SERPINE2: variants seen among roughly 807,000 people sequenced by gnomAD.
SERPINE2 encodes serpin family E member 2.
In SERPINE2, 14 loss-of-function variants were observed where a neutral mutation model predicts 36.3. The observed-to-expected ratio is 0.39, with a 90% CI of 0.25 to 0.60. The LOEUF (loss-of-function observed/expected upper bound fraction) is 0.60, where lower values mean the gene tolerates loss of function less well. SERPINE2 is among the 20% of genes least tolerant of loss of function. The probability of loss-of-function intolerance (pLI) is 0.57; values close to 1 mark genes in which losing one functional copy is unlikely to be tolerated. For missense variants in SERPINE2, 418 were observed against 499.6 expected, an observed-to-expected ratio of 0.84 and a Z score of 1.56; for synonymous variants, 192 against 191.8, an observed-to-expected ratio of 1.00 and a Z score of -0.01.
chr2:224,015,938 G>A (rs1303734374), intron 1 of SERPINE2, among the ~76,000 whole-genome samples: 1 of 151,800 alleles, frequency 6.6e-6, no homozygotes, highest in Non-Finnish European at 1.5e-5. Flanking sequence ...AACCCCAACT[G>A]TAAAAAAAAA....
intron 2 of SERPINE2, 29 bp from the exon 3 acceptor site, chr2:223,998,371 T>C (rs1475881576): frequency 1.9e-6 from 3 of 1,541,274 alleles, no homozygotes; most frequent in Non-Finnish European, 1.8e-6. Flanking sequence ...GATACAGCAA[T>C]ACTTCCATAA....
chr2:224,028,998 C>T (rs1692275696), intron 1 of SERPINE2, among the ~76,000 whole-genome samples: 1 of 152,210 alleles, frequency 6.6e-6, no homozygotes, highest in Non-Finnish European at 1.5e-5. Context: ...AAAACTATGT[C>T]TTCATACTTT....
At chr2:224,033,333 T>A (rs1692437532) in intron 1 of SERPINE2, among the ~76,000 whole-genome samples, 1 of 152,182 alleles carries the variant, frequency 6.6e-6, no homozygotes, top group Non-Finnish European at 1.5e-5. Context: ...TTTCTGAATA[T>A]AATGCTGAAT....
intron 1 of SERPINE2, among the ~76,000 whole-genome samples, chr2:224,015,103 CTGCTG>C (rs1247695759): frequency 6.6e-6 from 1 of 152,072 alleles, no homozygotes; most frequent in African/African-American, 2.4e-5. Flanking sequence ...GCCAGGGGTG[CTGCTG>C]AGCAGCACCC....
In SERPINE2 at chr2:224,005,065, T is replaced by TATATATATATATA. The variant is rs1553547020; in HGVS notation, c.-22-3144_-22-3143insTATATATATATAT. On this transcript the variant is annotated intron_variant, in intron 1 of 8. Transcript: ENST00000409304. ...ATATATTTTATATATTTTATATATA[T>TATATATATATATA]TATATATATATATATATATATATAT... 1.3e-3 allele frequency among the ~76,000 whole-genome samples: 43 copies of TATATATATATATA among 33,510 alleles called. 1 individual carries two copies. The highest frequency in any genetic ancestry group is 2.1e-3 in the Non-Finnish European group (33 of 15,530). 22.0% of individuals were successfully genotyped at this position (33,510 alleles called of 152,430 possible).
In SERPINE2 at chr2:223,975,791, T is replaced by C. The variant is rs753257229; in HGVS notation, c.*76A>G. 1 of 1,214,482 alleles carries C rather than the reference T, an allele frequency of 8.2e-7. No homozygotes were observed. The highest frequency in any genetic ancestry group is 1.2e-6 in the Non-Finnish European group (1 of 853,438). 75.2% of individuals were successfully genotyped at this position (1,214,482 alleles called of 1,614,324 possible). On this transcript the variant is annotated 3_prime_UTR_variant, in exon 9 of 9. Coordinates refer to ENST00000409304, the MANE Select transcript of SERPINE2 (RefSeq NM_001136528.2). ...GATGTACAAAAATATTTAACAGAAC[T>C]ATGAAAGATGCAGGAAAGGAGTCTT...
chr2:224,003,642 CAAGT>C (rs1255478734), intron 1 of SERPINE2, among the ~76,000 whole-genome samples: 4 of 152,190 alleles, frequency 2.6e-5, no homozygotes, highest in Middle Eastern at 3.4e-3. Flanking sequence ...CTGGCTATGA[CAAGT>C]AAGAGGTAGG....
chr2:224,001,429 TACA>T, intron 2 of SERPINE2: 1 of 522,280 alleles, frequency 1.9e-6, no homozygotes. Context: ...GCTCCAAAAG[TACA>T]AAAAAGGGAC....
intron 2 of SERPINE2, among the ~76,000 whole-genome samples, chr2:223,999,280 G>C (rs769846274): frequency 3.3e-5 from 5 of 152,148 alleles, no homozygotes; most frequent in Non-Finnish European, 7.4e-5. Flanking sequence ...CATTTAGTTT[G>C]AGAGGGTGAA....
Position 223,998,325 on chromosome 2 carries a change from TTAATA to T in SERPINE2, c.272_276del (p.Ile91LysfsTer13). On this transcript the variant is annotated frameshift_variant, in exon 3 of 9. Coordinates refer to ENST00000409304, the MANE Select transcript of SERPINE2 (RefSeq NM_001136528.2). LOFTEE classifies it high-confidence loss of function. The stretch of plus-strand genomic sequence containing the variant: ...GAGACGATGGCCTTGTTGATCTTCT[TTAATA>T]TTTTACCAACTCCTAAAAGAGAAAT... The T allele has an allele frequency of 6.2e-7, 1 of 1,612,658 alleles. No individual in the cohort carries two copies. Among genetic ancestry groups the T allele is most frequent in the Non-Finnish European group, 8.5e-7 (1 of 1,178,656 alleles).
chr2:223,978,734 GGCAAGCCCTTT>G (rs1690110557), intron 7 of SERPINE2: 1 of 152,110 alleles, frequency 6.6e-6, no homozygotes, highest in African/African-American at 2.4e-5. Context: ...GTTATGCTGG[GGCAAGCCCTTT>G]TACCCAGGGT....
intron 8 of SERPINE2, among the ~76,000 whole-genome samples, chr2:223,976,215 A>G (rs1661921239): frequency 6.6e-6 from 1 of 152,206 alleles, no homozygotes; most frequent in Non-Finnish European, 1.5e-5. Flanking sequence ...CAATGGCGCC[A>G]TCTCGGCTCA....
In SERPINE2 at chr2:224,001,769, C is replaced by T. The variant is rs1356219674; in HGVS notation, c.132G>A (p.Lys44=). Residue 44 remains lysine (K), a synonymous_variant, in exon 2 of 9, where the codon AAG becomes AAA. Transcript: ENST00000409304. ...TGIQVFNQIV[K]SRPHDNIVIS... is the part of the protein sequence containing the mutation. Reference sequence around the variant, plus strand: ...TCACGATGTTGTCATGAGGCCTCGACTTCACAATCTGATTGAAAACCTGGA... The same window carrying T: ...TCACGATGTTGTCATGAGGCCTCGATTTCACAATCTGATTGAAAACCTGGA... 6.2e-7 allele frequency: 1 copy of T among 1,614,126 alleles called. No homozygotes were observed.
chr2:224,017,508 T>G (rs1691838845), intron 1 of SERPINE2, among the ~76,000 whole-genome samples: 1 of 152,186 alleles, frequency 6.6e-6, no homozygotes, highest in South Asian at 2.1e-4. Context: ...TTCTCATAAT[T>G]ATTTGACTTA....
chr2:224,017,447 G>T (rs34478453), intron 1 of SERPINE2, among the ~76,000 whole-genome samples: 19,158 of 151,968 alleles, frequency 0.13, 1,328 homozygotes, highest in Middle Eastern at 0.19. Flanking sequence ...AATATTTTTG[G>T]TCCTTTCAAA....
intron 1 of SERPINE2, among the ~76,000 whole-genome samples, chr2:224,009,922 A>G (rs1193546607): frequency 1.3e-5 from 2 of 152,210 alleles, no homozygotes; most frequent in African/African-American, 2.4e-5. Context: ...GTAATTGTTA[A>G]TGTACAAGTA....
At chr2:224,003,596 A>C (rs551975517) in intron 1 of SERPINE2, among the ~76,000 whole-genome samples, 138 of 152,350 alleles carry the variant, frequency 9.1e-4, no homozygotes, top group African/African-American at 3.1e-3. Flanking sequence ...GTTTTAAAGA[A>C]GCTTCCTTCC....
chr2:223,996,007 T>C (rs1238514025), intron 3 of SERPINE2, among the ~76,000 whole-genome samples: 1 of 152,176 alleles, frequency 6.6e-6, no homozygotes, highest in Non-Finnish European at 1.5e-5. Context: ...TAGAGTAATA[T>C]GATGTATGAA....
chr2:224,007,143 T>C (rs1170913561), intron 1 of SERPINE2, among the ~76,000 whole-genome samples: 1 of 152,220 alleles, frequency 6.6e-6, no homozygotes, highest in African/African-American at 2.4e-5. Context: ...ATAAATAATA[T>C]GACACTAGTC....
Sources: gnomAD v4.1 joint callset for allele counts (sites outside exome capture counted in the v4.1 genomes callset) on GRCh38, gnomAD v4.1.1 for gene constraint, MANE v1.5 for transcripts, NCBI Gene and HGNC (gene_info 2026-07-23, HGNC 2026-07-21) for gene names.